Variants in MTERF1 observed in about 807,000 individuals in gnomAD.
The protein encoded by MTERF1 is mitochondrial transcription termination factor 1, also known as transcription termination factor 1, mitochondrial.
A neutral mutation model predicts 31.6 loss-of-function variants in MTERF1; 29 were observed. The observed-to-expected ratio is 0.92, with a 90% confidence interval of 0.68 to 1.25. The LOEUF is 1.25. MTERF1 is among the 50% of genes most tolerant of loss of function. The pLI, the probability that MTERF1 is intolerant of heterozygous loss-of-function variation, is 0.00. For missense variants in MTERF1, 500 were observed against 469.1 expected, an observed-to-expected ratio of 1.07 and a Z score of -0.61; for synonymous variants, 152 against 164.1, an observed-to-expected ratio of 0.93 and a Z score of 0.57.
chr7:91,874,410 A>G lies in MTERF1; in HGVS notation c.384T>C (p.Tyr128=). 1.9e-6 allele frequency: 3 copies of G among 1,614,062 alleles called. No individual in the cohort carries two copies. Among genetic ancestry groups the G allele is most frequent in the Non-Finnish European group, 2.5e-6 (3 of 1,180,018 alleles). ...CGGGAGTACGTGTTATTGCTCGTGG[A>G]TATCTTGATATGATGCTAGCGATCA... ...KEVIASIISR[Y]PRAITRTPEN... The change falls in exon 3 of 3, where the codon TAT becomes TAC. Residue 128 remains tyrosine, a synonymous_variant. Transcript: ENST00000351870.
intron 2 of MTERF1, among the ~76,000 whole-genome samples, chr7:91,879,610 T>A (rs759319625): frequency 6.6e-6 from 1 of 151,862 alleles, no homozygotes; most frequent in African/African-American, 2.4e-5. Context: ...CGGTTTCTAG[T>A]ACCAAAAAAG....
chr7:91,875,758 C>T (rs1789331189), intron 2 of MTERF1, among the ~76,000 whole-genome samples: 1 of 152,174 alleles, frequency 6.6e-6, no homozygotes, highest in African/African-American at 2.4e-5. Flanking sequence ...CCCTTTATAT[C>T]CATGCTACCA....
At chr7:91,878,861 T>C (rs985178535) in intron 2 of MTERF1, among the ~76,000 whole-genome samples, 8 of 152,000 alleles carry the variant, frequency 5.3e-5, no homozygotes, top group African/African-American at 1.9e-4. Context: ...TATGTGTTTG[T>C]TATGAAAAAG....
rs1789240864 is a variant in MTERF1, at chr7:91,873,637, T to C, written c.1157A>G (p.Lys386Arg). ...CTTTTTCAATTTAGCTTCATATCTTTTTTTACTCCAAGATAGAAGAGTGAT... is the reference window on the plus strand; with the variant it reads ...CTTTTTCAATTTAGCTTCATATCTTCTTTTACTCCAAGATAGAAGAGTGAT... ...LNITLLSWSK[K>R]RYEAKLKKLS... The change falls in exon 3 of 3, where the codon AAA becomes AGA. Residue 386 changes from lysine (K) to arginine (R), a missense_variant. Transcript: ENST00000351870. 6.2e-7 allele frequency: 1 copy of C among 1,608,448 alleles called. No homozygotes were observed. Among genetic ancestry groups the C allele is most frequent in the African/African-American group, 1.3e-5 (1 of 74,644 alleles).
rs1789281539 is a variant in MTERF1, at chr7:91,874,329, T to G, written c.465A>C (p.Glu155Asp). 4 of 1,614,160 alleles carry G rather than the reference T, an allele frequency of 2.5e-6. No homozygotes were observed. Among genetic ancestry groups the G allele is most frequent in the Non-Finnish European group, 3.4e-6 (4 of 1,180,030 alleles). ...GAGAACGTTCCAAAATATTTACAAT[T>G]TCAAGGTCTGATGTCACAATCTTTC... ...LWRKIVTSDL[E>D]IVNILERSPE... Residue 155 changes from glutamate (E) to aspartate (D), a missense_variant, in exon 3 of 3, where the codon GAA becomes GAC. Physicochemically the swap from Glu to Asp is conservative, Grantham distance 45 (BLOSUM62 2). Coordinates refer to ENST00000351870, the MANE Select transcript of MTERF1 (RefSeq NM_006980.5).
rs926386742 is a variant in MTERF1 at position 91,873,837 on chromosome 7, A to G, written c.957T>C (p.Asp319=). 6.8e-6 allele frequency: 11 copies of G among 1,614,036 alleles called. No homozygotes were observed. The highest frequency in any genetic ancestry group is 1.3e-5 in the African/African-American group (1 of 74,924). Residue 319 remains aspartate (D), a synonymous_variant, in exon 3 of 3, where the codon GAT becomes GAC. Transcript: ENST00000351870. ...ACTTTTTCTCTGCCAAGAAGATCAC[A>G]TCTGGATAGCTTAAGACAAACTTCT... is the stretch of plus-strand genomic sequence containing the variant. ...EVQKFVLSYP[D]VIFLAEKKFN...
chr7:91,874,186 G>A lies in MTERF1; in HGVS notation c.608C>T (p.Thr203Ile). The change falls in exon 3 of 3, where the codon ACC becomes ATC. Residue 203 changes from threonine (T) to isoleucine (I), a missense_variant. Thr to Ile is a moderately conservative substitution (Grantham distance 89, BLOSUM62 -1). Transcript: ENST00000351870. ...LCRLLTNAPRTFSNSLDLNKQ... is the reference protein window; with the variant it reads ...LCRLLTNAPRIFSNSLDLNKQ... ...ATTCAGATCAAGACTATTGGAGAAG[G>A]TACGAGGGGCATTGGTCAACAATCG... is the stretch of plus-strand genomic sequence containing the variant. The A allele has an allele frequency of 6.2e-7, 1 of 1,614,136 alleles. No homozygotes were observed. The highest frequency in any genetic ancestry group is 8.5e-7 in the Non-Finnish European group (1 of 1,180,018).
rs1299730604 is a variant in MTERF1, at chr7:91,874,300, TC to T, written c.493del (p.Glu165AsnfsTer10). 1 of 1,614,136 alleles carries T rather than the reference TC, an allele frequency of 6.2e-7. No homozygotes were observed. Among genetic ancestry groups the T allele is most frequent in the Non-Finnish European group, 8.5e-7 (1 of 1,180,028 alleles). ...GTTGTTATTGGACCGAAAAAAGGAT[TC>T]AGGAGAACGTTCCAAAATATTTACA... is the stretch of plus-strand genomic sequence containing the variant. ...EIVNILERSPESFFRSNNNLN... is the reference protein window; with the variant it reads ...EIVNILERSPXSFFRSNNNLN... On this transcript the variant is annotated frameshift_variant, in exon 3 of 3. Coordinates refer to ENST00000351870, the MANE Select transcript of MTERF1 (RefSeq NM_006980.5). LOFTEE classifies it high-confidence loss of function.
chr7:91,874,902 A>G (rs1025947439), intron 2 of MTERF1, 138 bp from the exon 3 acceptor site: 6 of 585,526 alleles, frequency 1.0e-5, no homozygotes, highest in Admixed American at 1.0e-4. Flanking sequence ...CTGTGTTAAT[A>G]ATTCAGCCAC....
At position 91,873,080 on chromosome 7, in the gene MTERF1, T is replaced by A. The variant is rs1197015221; in HGVS notation, c.*514A>T. On this transcript the variant is annotated 3_prime_UTR_variant, in exon 3 of 3. Coordinates refer to ENST00000351870, the MANE Select transcript of MTERF1 (RefSeq NM_006980.5). ...ACTGTATTTTTGACTTCACCTATAATGCAACTAATCATCTACTTAGTTGCT... is the reference window on the plus strand; with the variant it reads ...ACTGTATTTTTGACTTCACCTATAAAGCAACTAATCATCTACTTAGTTGCT... 6.6e-6 allele frequency: 1 copy of A among 152,404 alleles called. No homozygotes were observed. The highest frequency in any genetic ancestry group is 1.5e-5 in the Non-Finnish European group (1 of 68,188). 9.4% of individuals were successfully genotyped at this position (152,404 alleles called of 1,614,324 possible).
At position 91,874,219 on chromosome 7, in the gene MTERF1, C is replaced by T; in HGVS notation, c.575G>A (p.Cys192Tyr). ...GGCATTGGTCAACAATCGACAAAGG[C>T]ATTTACGGGTCAATCCAACTGAGTA... The part of the protein sequence containing the change: ...FLYSVGLTRK[C>Y]LCRLLTNAPR... The change falls in exon 3 of 3, where the codon TGC (cysteine) becomes TAC (tyrosine). Residue 192 changes from cysteine to tyrosine, a missense_variant. Cys to Tyr is a radical substitution (Grantham distance 194, BLOSUM62 -2). Transcript: ENST00000351870. 6.2e-7 allele frequency: 1 copy of T among 1,614,112 alleles called. No individual in the cohort carries two copies. Among genetic ancestry groups the T allele is most frequent in the African/African-American group, 1.3e-5 (1 of 75,024 alleles).
Position 91,871,254 on chromosome 7 carries a change from A to G in MTERF1, c.*2340T>C, listed in dbSNP as rs927467719. The stretch of plus-strand genomic sequence containing the variant: ...CAAGTGCTGTACTGTACTTCAGTGC[A>G]ACCCACATTCTCTCTGGCCACTTGC... On this transcript the variant is annotated 3_prime_UTR_variant, in exon 3 of 3. Transcript: ENST00000351870. The G allele has an allele frequency of 5.3e-5, 8 of 152,218 alleles. No individual in the cohort carries two copies. The highest frequency in any genetic ancestry group is 1.9e-4 in the African/African-American group (8 of 41,428). 9.4% of individuals were successfully genotyped at this position (152,218 alleles called of 1,614,324 possible).
At chr7:91,874,785 A>C (rs780826409) in intron 2 of MTERF1, 21 bp from the exon 3 acceptor site, 4 of 1,521,660 alleles carry the variant, frequency 2.6e-6, no homozygotes, top group Admixed American at 3.8e-5. Flanking sequence ...CAACACATAA[A>C]ATATTACACA....
In MTERF1 at chr7:91,873,411, T is replaced by C; in HGVS notation, c.*183A>G. On this transcript the variant is annotated 3_prime_UTR_variant, in exon 3 of 3. Coordinates refer to ENST00000351870, the MANE Select transcript of MTERF1 (RefSeq NM_006980.5). ...TATACAGGATCACTCTGACCTCCTC[T>C]TTTGCCTCCCTCTTCAACTTTTAAA... The C allele has an allele frequency of 1.7e-6, 1 of 590,228 alleles. No individual in the cohort carries two copies. Among genetic ancestry groups the C allele is most frequent in the Non-Finnish European group, 2.9e-6 (1 of 345,442 alleles). The allele number at this position is 590,228 out of a possible 1,614,324, so 36.6% of individuals were successfully genotyped here.
chr7:91,875,228 T>C (rs1057267000), intron 2 of MTERF1, among the ~76,000 whole-genome samples: 8 of 152,036 alleles, frequency 5.3e-5, no homozygotes, highest in Non-Finnish European at 8.8e-5. Flanking sequence ...ACCCTCTCCA[T>C]CTCTGCTTTG....
At chr7:91,880,134 C>CAA in intron 1 of MTERF1, 21 bp from the exon 2 acceptor site, 1 of 1,580,602 alleles carries the variant, frequency 6.3e-7, no homozygotes, top group Non-Finnish European at 8.6e-7. Context: ...CACACACACA[C>CAA]AAAAAAAAGG....
intron 2 of MTERF1, chr7:91,876,741 T>A (rs760758451): frequency 4.8e-6 from 1 of 210,326 alleles, no homozygotes; most frequent in Admixed American, 6.5e-5. Context: ...TTCAGATTGA[T>A]CCATACTCTA....
Position 91,873,898 on chromosome 7 carries a change from TTCTC to T in MTERF1, c.892_895del (p.Glu298SerfsTer17), listed in dbSNP as rs1333109323. ...TTCAGTACATCCAAGAGAAAACAGC[TTCTC>T]TTTGATGTTTGCGTAGCTTCTTCTG... On this transcript the variant is annotated frameshift_variant, in exon 3 of 3. Coordinates refer to ENST00000351870, the MANE Select transcript of MTERF1 (RefSeq NM_006980.5). LOFTEE classifies it high-confidence loss of function. 1 of 1,614,100 alleles carries T rather than the reference TTCTC, an allele frequency of 6.2e-7. No homozygotes were observed. The highest frequency in any genetic ancestry group is 2.2e-5 in the East Asian group (1 of 44,884).
Position 91,874,144 on chromosome 7 carries a change from A to T in MTERF1, c.650T>A (p.Phe217Tyr). 1 of 1,614,158 alleles carries T rather than the reference A, an allele frequency of 6.2e-7. No homozygotes were observed. The highest frequency in any genetic ancestry group is 8.5e-7 in the Non-Finnish European group (1 of 1,180,020). ...SLDLNKQMVE[F>Y]LQAAGLSLGH... ...CAATGACAAACCGGCTGCCTGCAAA[A>T]ATTCAACCATCTGTTTATTCAGATC... The change falls in exon 3 of 3, where the codon TTT becomes TAT. Residue 217 changes from phenylalanine to tyrosine, a missense_variant. Phe to Tyr is a conservative substitution (Grantham distance 22). Transcript: ENST00000351870.
Sources: gnomAD v4.1 joint callset for allele counts (sites outside exome capture counted in the v4.1 genomes callset) on GRCh38, gnomAD v4.1.1 for gene constraint, MANE v1.5 for transcripts, NCBI Gene and HGNC (gene_info 2026-07-23, HGNC 2026-07-21) for gene names.